STX7: variants seen among roughly 807,000 people sequenced by gnomAD.
STX7 encodes the protein syntaxin 7.
Under a neutral mutation model 39.6 loss-of-function variants are expected in STX7, and 34 were observed. The ratio of observed to expected loss-of-function variants is 0.86; its 90% CI spans 0.65 to 1.14. The LOEUF (loss-of-function observed/expected upper bound fraction) is 1.14, where lower values mean the gene tolerates loss of function less well. Ranked by LOEUF, STX7 falls within the 50% of genes most tolerant of loss-of-function variation. The pLI is 0.00. For synonymous variants in STX7, 119 were observed against 99.1 expected (o/e 1.20, Z -1.19); for missense variants, 284 against 310.4 (o/e 0.92, Z 0.64).
At chr6:132,465,731 C>G (rs1006728565) in intron 8 of STX7, among the ~76,000 whole-genome samples, 1 of 152,198 alleles carries the variant, frequency 6.6e-6, no homozygotes, top group Admixed American at 6.5e-5. Flanking sequence ...GACATTTCCA[C>G]ACGTTTTCAT....
In STX7 at chr6:132,453,974, C is replaced by T. The variant is rs557238129; in HGVS notation, c.*6784G>A. ...GATTATGTTCACACAAAAACTTGTA[C>T]ACAAATGTTTATAGCAACTTTATTT... On this transcript the variant is annotated 3_prime_UTR_variant, in exon 10 of 10. Transcript: ENST00000367941. The T allele has an allele frequency of 3.3e-5, 5 of 152,188 alleles. No individual in the cohort carries two copies. Among genetic ancestry groups the T allele is most frequent in the African/African-American group, 1.2e-4 (5 of 41,530 alleles). 9.4% of individuals were successfully genotyped at this position (152,188 alleles called of 1,614,324 possible).
chr6:132,464,337 T>C lies in STX7; in HGVS notation c.611-262A>G, dbSNP rs139304978. 3.1e-3 allele frequency among the ~76,000 whole-genome samples: 476 copies of C among 152,334 alleles called. 3 individuals are homozygous for C. The highest frequency in any genetic ancestry group is 0.01 in the African/African-American group (428 of 41,564). ...CTTCATTACAGAGCAACTCCAGCTC[T>C]ACCTGGCAACCCCTGAAAAGTACTG... On this transcript the variant is annotated intron_variant, in intron 8 of 9. Coordinates refer to ENST00000367941, the MANE Select transcript of STX7 (RefSeq NM_003569.3).
intron 7 of STX7, 87 bp from the exon 8 acceptor site, chr6:132,468,562 C>T: frequency 1.2e-6 from 1 of 868,634 alleles, no homozygotes; most frequent in South Asian, 1.6e-5. Flanking sequence ...CAAACCACTA[C>T]TCACACATGG....
At chr6:132,504,211 T>G (rs1562340615) in intron 1 of STX7, among the ~76,000 whole-genome samples, 1 of 152,172 alleles carries the variant, frequency 6.6e-6, no homozygotes, top group Admixed American at 6.5e-5. Context: ...GAATGTATGA[T>G]TAATAGGGCT....
intron 8 of STX7, among the ~76,000 whole-genome samples, chr6:132,466,467 T>C (rs990900746): frequency 7.2e-5 from 11 of 152,196 alleles, no homozygotes; most frequent in Non-Finnish European, 1.5e-5. Flanking sequence ...GTTACAAGTA[T>C]TCAGCTACCC....
intron 2 of STX7, among the ~76,000 whole-genome samples, chr6:132,478,659 T>C (rs1387180982): frequency 2.0e-5 from 3 of 152,214 alleles, no homozygotes; most frequent in Non-Finnish European, 4.4e-5. Context: ...CTAATGCTCA[T>C]GATAACTAGC....
At position 132,503,511 on chromosome 6, in the gene STX7, A is replaced by G. The variant is rs1775628788; in HGVS notation, c.20T>C (p.Val7Ala). 6.2e-7 allele frequency: 1 copy of G among 1,613,934 alleles called. No homozygotes were observed. The change falls in exon 2 of 10, where the codon GTT becomes GCT. Residue 7 changes from valine to alanine, a missense_variant. Coordinates refer to ENST00000367941, the MANE Select transcript of STX7 (RefSeq NM_003569.3). MSYTPG[V>A]GGDPAQLAQR... is the part of the protein sequence containing the mutation. ...GGCCAACTGGGCGGGGTCACCACCA[A>G]CTCCTGGAGTGTAAGACATGGTTGA...
At chr6:132,511,184 A>C (rs144971910) in intron 1 of STX7, among the ~76,000 whole-genome samples, 282 of 152,290 alleles carry the variant, frequency 1.9e-3, no homozygotes, top group Admixed American at 3.0e-3. Context: ...ACCTCCTAAG[A>C]ACACACACCC....
At chr6:132,479,394 A>G (rs1035392382) in intron 2 of STX7, among the ~76,000 whole-genome samples, 1 of 152,212 alleles carries the variant, frequency 6.6e-6, no homozygotes, top group Non-Finnish European at 1.5e-5. Context: ...CCCAATAGGA[A>G]AAACACAGGG....
chr6:132,494,751 G>A (rs1775381169), intron 2 of STX7, among the ~76,000 whole-genome samples: 1 of 152,160 alleles, frequency 6.6e-6, no homozygotes, highest in South Asian at 2.1e-4. Flanking sequence ...GGGGCATGGT[G>A]GGGATTTATA....
At position 132,452,329 on chromosome 6, in the gene STX7, G is replaced by A. The variant is rs1020969182; in HGVS notation, c.*8429C>T. ...CCTTTCTGCCTAAGACCAGAAACAA[G>A]CCAAGGATCTCTACTCTCACTGCTT... On this transcript the variant is annotated 3_prime_UTR_variant, in exon 10 of 10. Transcript: ENST00000367941. 2 of 151,816 alleles carry A rather than the reference G, an allele frequency of 1.3e-5. No individual in the cohort carries two copies. Among genetic ancestry groups the A allele is most frequent in the Non-Finnish European group, 2.9e-5 (2 of 67,954 alleles). 9.4% of individuals were successfully genotyped at this position (151,816 alleles called of 1,614,324 possible).
chr6:132,466,785 G>A (rs1026953252), intron 8 of STX7, among the ~76,000 whole-genome samples: 1 of 152,098 alleles, frequency 6.6e-6, no homozygotes, highest in Non-Finnish European at 1.5e-5. Context: ...AAAAATGATT[G>A]ATTTATACCC....
In STX7 at chr6:132,459,930, C is replaced by T. The variant is rs1280490202; in HGVS notation, c.*828G>A. The T allele has an allele frequency of 1.3e-5, 2 of 152,074 alleles. No individual in the cohort carries two copies. Among genetic ancestry groups the T allele is most frequent in the African/African-American group, 2.4e-5 (1 of 41,408 alleles). 9.4% of individuals were successfully genotyped at this position (152,074 alleles called of 1,614,324 possible). On this transcript the variant is annotated 3_prime_UTR_variant, in exon 10 of 10. Coordinates refer to ENST00000367941, the MANE Select transcript of STX7 (RefSeq NM_003569.3). ...GGAAGGTAAATAATGGCCCACAAAA[C>T]CAGATGATATGGTTAAGATAACTAG...
At chr6:132,463,811 A>C (rs958088276) in intron 9 of STX7, among the ~76,000 whole-genome samples, 182 bp downstream of exon 9, 3 of 152,238 alleles carry the variant, frequency 2.0e-5, no homozygotes, top group Non-Finnish European at 2.9e-5. Context: ...TGAGAAGAAC[A>C]CAGGCTAAAA....
intron 9 of STX7, among the ~76,000 whole-genome samples, chr6:132,463,764 T>C (rs1774482543): frequency 6.6e-6 from 1 of 152,146 alleles, no homozygotes; most frequent in African/African-American, 2.4e-5. Flanking sequence ...AACACTAAAC[T>C]TTCTCTCCCT....
At chr6:132,497,210 AT>A (rs1775439651) in intron 2 of STX7, among the ~76,000 whole-genome samples, 1 of 152,198 alleles carries the variant, frequency 6.6e-6, no homozygotes, top group South Asian at 2.1e-4. Context: ...GAATAAATAA[AT>A]TGTAGTATGT....
Position 132,469,939 on chromosome 6 carries a change from T to G in STX7, c.537+12A>C, listed in dbSNP as rs369075949. ...CCAGAGCAGCAGCCCAAGTCTACAA[T>G]GTAAGCCTTACTTCAAGTTGCCTGA... On this transcript the variant is annotated intron_variant, in intron 7 of 9. Transcript: ENST00000367941. The G allele has an allele frequency of 7.7e-5, 123 of 1,589,828 alleles. 2 individuals are homozygous for G. Among genetic ancestry groups the G allele is most frequent in the East Asian group, 5.9e-4 (25 of 42,428 alleles).
Position 132,452,588 on chromosome 6 carries a change from T to C in STX7, c.*8170A>G, listed in dbSNP as rs958652924. Reference sequence around the variant, plus strand: ...TCACTTTATTTCTATGTACTTAGAATAGACATGTGAACAGGAAATTCAAAA... The same window carrying C: ...TCACTTTATTTCTATGTACTTAGAACAGACATGTGAACAGGAAATTCAAAA... On this transcript the variant is annotated 3_prime_UTR_variant, in exon 10 of 10. Coordinates refer to ENST00000367941, the MANE Select transcript of STX7 (RefSeq NM_003569.3). 6.6e-6 allele frequency: 1 copy of C among 152,152 alleles called. No homozygotes were observed. Among genetic ancestry groups the C allele is most frequent in the African/African-American group, 2.4e-5 (1 of 41,458 alleles). 9.4% of individuals were successfully genotyped at this position (152,152 alleles called of 1,614,324 possible). A position where few individuals can be genotyped will look rare whatever the true frequency, so the allele number is the denominator to read the frequency against.
At chr6:132,479,962 CTAGCTGCTCCTTCCATCT>C (rs1774976299) in intron 2 of STX7, among the ~76,000 whole-genome samples, 1 of 152,174 alleles carries the variant, frequency 6.6e-6, no homozygotes, top group African/African-American at 2.4e-5. Context: ...GTTGACCCAA[CTAGCTGCTCCTTCCATCT>C]TGGAGGAGGC....
Sources: allele counts gnomAD v4.1 joint callset (sites outside exome capture counted in the v4.1 genomes callset), GRCh38; gene constraint gnomAD v4.1.1; transcripts MANE v1.5; gene names NCBI Gene and HGNC (gene_info 2026-07-23, HGNC 2026-07-21).